Variants in ATP13A3 observed in about 807,000 individuals in gnomAD.
The protein encoded by ATP13A3 is polyamine-transporting ATPase 13A3.
ATP13A3 carries 59 observed loss-of-function variants against 158.1 expected under a neutral mutation model. The observed-to-expected ratio is 0.37, with a 90% CI of 0.30 to 0.46. The LOEUF is 0.46. Ranked by LOEUF, ATP13A3 falls within the 20% of genes least tolerant of loss-of-function variation. ATP13A3 has a pLI of 1.00. For synonymous variants in ATP13A3, 491 were observed against 504.3 expected (o/e 0.97, Z 0.35); for missense variants, 1,166 against 1,525.2 (o/e 0.76, Z 3.92).
intron 2 of ATP13A3, among the ~76,000 whole-genome samples, chr3:194,492,046 C>A (rs1482009510): frequency 6.6e-6 from 1 of 152,126 alleles, no homozygotes; most frequent in East Asian, 1.9e-4. Flanking sequence ...CACTTGCTTC[C>A]CACCTCACTT....
intron 30 of ATP13A3, among the ~76,000 whole-genome samples, chr3:194,424,921 A>G (rs923429568): frequency 1.1e-4 from 16 of 152,194 alleles, no homozygotes; most frequent in African/African-American, 3.4e-4. Context: ...GGAGGAAAGT[A>G]TAATACCTAC....
At chr3:194,414,557 A>G (rs1715678011) in intron 31 of ATP13A3, among the ~76,000 whole-genome samples, 2 of 152,182 alleles carry the variant, frequency 1.3e-5, no homozygotes, top group South Asian at 4.1e-4. Context: ...TTAAGAAAAA[A>G]CAATCTAAGT....
At chr3:194,479,161 T>G (rs546961013) in intron 2 of ATP13A3, among the ~76,000 whole-genome samples, 10 of 152,320 alleles carry the variant, frequency 6.6e-5, no homozygotes, top group African/African-American at 2.4e-4. Context: ...TTCTATTCTC[T>G]TCATCAAACA....
chr3:194,450,503 T>C (rs1293901302), intron 10 of ATP13A3: 6 of 476,076 alleles, frequency 1.3e-5, no homozygotes, highest in Non-Finnish European at 2.3e-5. Context: ...GCACCGGTGA[T>C]GCCAAGTACC....
Position 194,430,259 on chromosome 3 carries a change from A to G in ATP13A3, c.2667+14T>C. The G allele has an allele frequency of 1.2e-6, 2 of 1,613,764 alleles. No individual in the cohort carries two copies. Among genetic ancestry groups the G allele is most frequent in the Non-Finnish European group, 1.7e-6 (2 of 1,179,768 alleles). On this transcript the variant is annotated intron_variant, in intron 25 of 33. Transcript: ENST00000645319. ...GTAAGAACTATAAAACTAAATCACA[A>G]AAACTATACTTACACCACAATCATT...
At chr3:194,452,863 C>T (rs1177607392) in intron 10 of ATP13A3, 1 of 152,182 alleles carries the variant, frequency 6.6e-6, no homozygotes, top group Non-Finnish European at 1.5e-5. Context: ...TAGCATTTGT[C>T]ACACTGTATT....
At chr3:194,482,999 C>A (rs150192747) in intron 2 of ATP13A3, among the ~76,000 whole-genome samples, 12 of 150,642 alleles carry the variant, frequency 8.0e-5, no homozygotes, top group African/African-American at 2.5e-4. Context: ...CCCAGCTACT[C>A]GGAAAGCTGA....
At chr3:194,420,002 A>G (rs1374677591) in intron 30 of ATP13A3, 35 bp from the exon 31 acceptor site, 3 of 1,489,076 alleles carry the variant, frequency 2.0e-6, no homozygotes, top group Admixed American at 2.7e-5. Flanking sequence ...CAAGTAAATT[A>G]GGAAATTCCT....
intron 30 of ATP13A3, chr3:194,420,322 C>T (rs1389539431): frequency 6.3e-6 from 1 of 157,670 alleles, no homozygotes; most frequent in Non-Finnish European, 1.4e-5. Context: ...ATACATAATG[C>T]ACAAATAAGA....
chr3:194,457,773 A>G (rs1719333737), intron 6 of ATP13A3, among the ~76,000 whole-genome samples: 1 of 149,376 alleles, frequency 6.7e-6, no homozygotes, highest in African/African-American at 2.5e-5. Context: ...TTCCCAAAAT[A>G]TCTTAATTAT....
intron 2 of ATP13A3, among the ~76,000 whole-genome samples, chr3:194,463,142 C>T (rs576656927): frequency 6.6e-6 from 1 of 152,180 alleles, no homozygotes; most frequent in African/African-American, 2.4e-5. Context: ...AAAAGTCAAT[C>T]GCTATGGCAG....
chr3:194,415,144 A>G lies in ATP13A3; in HGVS notation c.3403-1305T>C, dbSNP rs1384108157. 2.0e-5 allele frequency among the ~76,000 whole-genome samples: 3 copies of G among 152,364 alleles called. No individual in the cohort carries two copies. In the East Asian group the frequency reaches 5.8e-4, roughly 29 times the overall value. On this transcript the variant is annotated intron_variant, in intron 31 of 33. Transcript: ENST00000645319. ...AGACAGCAAAGCATCACAAAATTTC[A>G]GAAGAGAGTATCTTAAGAATGATGA...
At chr3:194,488,870 T>G (rs78123413), upstream of ATP13A3, 81 of 152,336 alleles carry the variant, frequency 5.3e-4, no homozygotes, top group African/African-American at 1.9e-3. The surrounding 1 kb of genome is among the most constrained non-coding windows in gnomAD (Gnocchi z 4.1). Context: ...GCTCCCAAAT[T>G]AGCAATTTCC....
chr3:194,418,279 G>A (rs937741225), intron 31 of ATP13A3, among the ~76,000 whole-genome samples: 1 of 152,022 alleles, frequency 6.6e-6, no homozygotes, highest in African/African-American at 2.4e-5. Context: ...ACTGAGACAC[G>A]AGGAACAAAT....
intron 2 of ATP13A3, chr3:194,468,386 T>TAAAAAAAAAAAAAAA (rs35011462): frequency 2.7e-4 from 30 of 111,846 alleles, no homozygotes; most frequent in African/African-American, 1.1e-3. Context: ...TGTGTGAGTT[T>TAAAAAAAAAAAAAAA]AAAAAAAAAA....
chr3:194,455,585 A>G (rs1719168058), intron 8 of ATP13A3, among the ~76,000 whole-genome samples: 1 of 152,052 alleles, frequency 6.6e-6, no homozygotes, highest in Non-Finnish European at 1.5e-5. Flanking sequence ...TCTTACTTCT[A>G]CTCCTAAAAG....
At chr3:194,439,253 T>G (rs1193028847) in intron 16 of ATP13A3, among the ~76,000 whole-genome samples, 1 of 152,212 alleles carries the variant, frequency 6.6e-6, no homozygotes, top group Non-Finnish European at 1.5e-5. Flanking sequence ...TGATCTCACT[T>G]CACTCTTACA....
chr3:194,489,583 G>C (rs996739319), upstream of ATP13A3, among the ~76,000 whole-genome samples: 4 of 152,176 alleles, frequency 2.6e-5, no homozygotes, highest in African/African-American at 9.7e-5. The surrounding 1 kb of genome is among the most constrained non-coding windows in gnomAD (Gnocchi z 4.1). Flanking sequence ...TGGCTGCAGT[G>C]TATACCTCCA....
In ATP13A3 at chr3:194,405,904, G is replaced by A. The variant is rs1168093686; in HGVS notation, c.*15C>T. 1 of 1,612,294 alleles carries A rather than the reference G, an allele frequency of 6.2e-7. No individual in the cohort carries two copies. The highest frequency in any genetic ancestry group is 8.5e-7 in the Non-Finnish European group (1 of 1,178,398). ...GAATACTGCTATCAGCAATACCACTGAGACTGATTCACTGCTATGTTATGG... is the reference window on the plus strand; with the variant it reads ...GAATACTGCTATCAGCAATACCACTAAGACTGATTCACTGCTATGTTATGG... On this transcript the variant is annotated 3_prime_UTR_variant, in exon 34 of 34. Coordinates refer to ENST00000645319, the MANE Select transcript of ATP13A3 (RefSeq NM_001367549.1).
Sources: allele counts gnomAD v4.1 joint callset (sites outside exome capture counted in the v4.1 genomes callset), GRCh38; gene constraint gnomAD v4.1.1; non-coding constraint Gnocchi (gnomAD v3.1); transcripts MANE v1.5; gene names NCBI Gene and HGNC (gene_info 2026-07-23, HGNC 2026-07-21).